Variants in IL1RAPL2 observed in about 807,000 individuals in gnomAD.
IL1RAPL2 encodes X-linked interleukin-1 receptor accessory protein-like 2.
In IL1RAPL2, 3 loss-of-function variants were observed where a neutral mutation model predicts 44.1. The ratio of observed to expected loss-of-function variants is 0.07; its 90% CI spans 0.03 to 0.18. IL1RAPL2 has a LOEUF of 0.18. IL1RAPL2 is among the 10% of genes least tolerant of loss of function. The pLI, the probability that IL1RAPL2 is intolerant of heterozygous loss-of-function variation, is 1.00. For missense variants in IL1RAPL2, 391 were observed against 496.4 expected (o/e 0.79, Z 2.02); for synonymous variants, 181 against 178.8 (o/e 1.01, Z -0.10).
intron 8 of IL1RAPL2, among the ~76,000 whole-genome samples, chrX:105,743,316 C>A (rs190196653): frequency 2.2e-3 from 244 of 111,687 alleles, no homozygotes; most frequent in African/African-American, 7.5e-3. Context: ...TCTGTTCTTA[C>A]ATCTGATCTC....
chrX:105,217,151 T>G (rs782440131), intron 3 of IL1RAPL2, among the ~76,000 whole-genome samples: 1 of 107,534 alleles, frequency 9.3e-6, no homozygotes, highest in Non-Finnish European at 1.9e-5. Context: ...GAAACTACCA[T>G]CAGAGTGAAC....
chrX:105,129,578 A>G (rs1033005230), intron 2 of IL1RAPL2, among the ~76,000 whole-genome samples: 1 of 110,841 alleles, frequency 9.0e-6, no homozygotes, highest in African/African-American at 3.3e-5. Context: ...AGGGGTTTTT[A>G]GATCGGGGGT....
At chrX:104,913,485 T>C (rs1924313313) in intron 2 of IL1RAPL2, among the ~76,000 whole-genome samples, 1 of 111,938 alleles carries the variant, frequency 8.9e-6, no homozygotes, top group South Asian at 3.7e-4. Flanking sequence ...CTGGGTAGCC[T>C]ATATCTCTGG....
At chrX:105,330,764 T>A (rs1603068836) in intron 5 of IL1RAPL2, among the ~76,000 whole-genome samples, 1 of 111,507 alleles carries the variant, frequency 9.0e-6, no homozygotes, top group East Asian at 2.8e-4. Context: ...AATATATTCT[T>A]ACTTTCCACT....
chrX:105,741,772 C>T (rs1349258121), intron 8 of IL1RAPL2, among the ~76,000 whole-genome samples: 1 of 111,666 alleles, frequency 9.0e-6, no homozygotes, highest in East Asian at 2.8e-4. Flanking sequence ...TCAGGAGATC[C>T]TGGTTCAGTA....
intron 2 of IL1RAPL2, among the ~76,000 whole-genome samples, chrX:104,878,164 T>C (rs1310251964): frequency 8.9e-6 from 1 of 111,866 alleles, no homozygotes; most frequent in African/African-American, 3.2e-5. Context: ...CCCGGCACAT[T>C]GGATCATTCA....
At chrX:105,018,777 A>C (rs1348444321) in intron 2 of IL1RAPL2, among the ~76,000 whole-genome samples, 1 of 111,699 alleles carries the variant, frequency 9.0e-6, no homozygotes, top group Non-Finnish European at 1.9e-5. Context: ...GAAAGAAAGG[A>C]GTTAGGAAAT....
intron 2 of IL1RAPL2, among the ~76,000 whole-genome samples, chrX:105,193,163 TAGAAG>T (rs782743180): frequency 9.0e-6 from 1 of 111,690 alleles, no homozygotes; most frequent in Admixed American, 9.5e-5. Context: ...TTAGAAGACT[TAGAAG>T]AGATAACTAA....
chrX:105,244,311 TAAAAC>T (rs1480361129), intron 4 of IL1RAPL2, among the ~76,000 whole-genome samples: 2 of 110,966 alleles, frequency 1.8e-5, no homozygotes, highest in African/African-American at 6.5e-5. Flanking sequence ...GCAAGAAAAA[TAAAAC>T]AAAGGGGTAG....
At chrX:105,090,198 G>T (rs1204887381) in intron 2 of IL1RAPL2, among the ~76,000 whole-genome samples, 1 of 111,082 alleles carries the variant, frequency 9.0e-6, no homozygotes, top group Non-Finnish European at 1.9e-5. Context: ...AAATACAGTT[G>T]TCCCTCAGTA....
intron 6 of IL1RAPL2, among the ~76,000 whole-genome samples, chrX:105,526,805 A>G (rs1207320324): frequency 9.0e-6 from 1 of 111,616 alleles, no homozygotes; most frequent in Non-Finnish European, 1.9e-5. Flanking sequence ...TGAAAAATAC[A>G]CTAAGTTGTC....
At position 105,755,354 on chromosome X, in the gene IL1RAPL2, A is replaced by G; in HGVS notation, c.1363+7A>G. 1 of 1,169,324 alleles carries G rather than the reference A, an allele frequency of 8.6e-7. No individual in the cohort carries two copies. The highest frequency in any genetic ancestry group is 3.0e-5 in the East Asian group (1 of 33,412). On this transcript the variant is annotated splice_region_variant and intron_variant, in intron 10 of 10. Coordinates refer to ENST00000372582, the MANE Select transcript of IL1RAPL2 (RefSeq NM_017416.2). ...GACCTGATTCCAAGTGGAAGTAAGT[A>G]CTTTCAAATTTTGTGTTTAAAACGT...
intron 2 of IL1RAPL2, among the ~76,000 whole-genome samples, chrX:104,915,005 G>T (rs1924370643): frequency 1.8e-5 from 2 of 111,691 alleles, no homozygotes; most frequent in African/African-American, 6.5e-5. Context: ...TTGCTATTGT[G>T]AATAGTGCCG....
At chrX:105,743,927 G>A (rs752803938) in intron 8 of IL1RAPL2, among the ~76,000 whole-genome samples, 13 of 111,608 alleles carry the variant, frequency 1.2e-4, no homozygotes, top group African/African-American at 1.6e-4. Context: ...TCCAGGGTTC[G>A]CAAACTCAAA....
chrX:105,040,247 G>T (rs769168668), intron 2 of IL1RAPL2, among the ~76,000 whole-genome samples: 225 of 111,539 alleles, frequency 2.0e-3, no homozygotes, highest in Non-Finnish European at 3.5e-3. Flanking sequence ...GATCATGGTG[G>T]ATAAGCTTTT....
intron 1 of IL1RAPL2, among the ~76,000 whole-genome samples, chrX:104,631,845 A>G (rs1419248207): frequency 9.1e-6 from 1 of 109,790 alleles, no homozygotes; most frequent in African/African-American, 3.3e-5. Flanking sequence ...CTTTAGTTTA[A>G]TTAGATCCCA....
At chrX:104,593,997 C>A (rs932351881) in intron 1 of IL1RAPL2, among the ~76,000 whole-genome samples, 5 of 112,092 alleles carry the variant, frequency 4.5e-5, no homozygotes, top group African/African-American at 1.6e-4. Context: ...TCTTATCTGT[C>A]TTCTCTTTAA....
chrX:105,045,851 C>T (rs1288388447), intron 2 of IL1RAPL2, among the ~76,000 whole-genome samples: 3 of 111,432 alleles, frequency 2.7e-5, no homozygotes, highest in African/African-American at 9.8e-5. Flanking sequence ...GTGTGAGCTA[C>T]CACACCTGGC....
chrX:104,711,296 C>A lies in IL1RAPL2; in HGVS notation c.82+52301C>A, dbSNP rs182458998. On this transcript the variant is annotated intron_variant, in intron 2 of 10. Transcript: ENST00000372582. ...TGCATGTTCTGAGATATACACACAC[C>A]CATTAAAGCTATTGATCTTGTGTTT... 2.8e-3 allele frequency among the ~76,000 whole-genome samples: 312 copies of A among 110,925 alleles called. 2 individuals are homozygous for A. Among genetic ancestry groups the A allele is most frequent in the African/African-American group, 9.8e-3 (301 of 30,654 alleles).
Sources: allele counts gnomAD v4.1 joint callset (sites outside exome capture counted in the v4.1 genomes callset), GRCh38; gene constraint gnomAD v4.1.1; transcripts MANE v1.5; gene names NCBI Gene and HGNC (gene_info 2026-07-23, HGNC 2026-07-21).